NAV3: variants seen among roughly 807,000 people sequenced by gnomAD.
NAV3 encodes pore membrane and/or filament interacting like protein 1.
NAV3 carries 87 observed loss-of-function variants against 244.7 expected under a neutral mutation model. The ratio of observed to expected loss-of-function variants is 0.36; its 90% CI spans 0.30 to 0.42. The LOEUF (loss-of-function observed/expected upper bound fraction) is 0.42. Ranked by LOEUF, NAV3 falls within the 20% of genes least tolerant of loss-of-function variation. The pLI is 1.00. For missense variants in NAV3, 2,663 were observed against 2,893.3 expected (o/e 0.92, Z 1.83); for synonymous variants, 1,126 against 1,042.2 (o/e 1.08, Z -1.55).
At chr12:77,722,670 G>A (rs1476312432) in intron 2 of NAV3, among the ~76,000 whole-genome samples, 4 of 152,046 alleles carry the variant, frequency 2.6e-5, no homozygotes, top group Non-Finnish European at 4.4e-5. Flanking sequence ...GTCTTTTGAA[G>A]AGTGTCCAGG....
intron 1 of NAV3, among the ~76,000 whole-genome samples, chr12:77,861,908 A>G (rs1218880113): frequency 1.3e-5 from 2 of 151,872 alleles, no homozygotes; most frequent in East Asian, 1.9e-4. Flanking sequence ...GTGAATACAT[A>G]TTAGGTAGGA....
At chr12:77,802,652 T>G (rs943924157) in intron 2 of NAV3, among the ~76,000 whole-genome samples, 1 of 152,124 alleles carries the variant, frequency 6.6e-6, no homozygotes, top group Non-Finnish European at 1.5e-5. Flanking sequence ...AACAACACTC[T>G]TCTTTTCCAC....
intron 23 of NAV3, among the ~76,000 whole-genome samples, chr12:78,160,845 T>TCCTC (rs992388781): frequency 6.6e-6 from 1 of 151,584 alleles, no homozygotes; most frequent in Non-Finnish European, 1.5e-5. Flanking sequence ...TTCCTTTCTT[T>TCCTC]CCTCCCTCCC....
chr12:78,100,747 G>T (rs1053679922), intron 12 of NAV3, among the ~76,000 whole-genome samples: 1 of 151,992 alleles, frequency 6.6e-6, no homozygotes, highest in African/African-American at 2.4e-5. Flanking sequence ...TTCAGACTCA[G>T]AACTATGTAT....
chr12:78,196,154 C>T (rs932001636), intron 34 of NAV3, among the ~76,000 whole-genome samples: 1 of 152,034 alleles, frequency 6.6e-6, no homozygotes, highest in Non-Finnish European at 1.5e-5. Context: ...GAATATTCAA[C>T]AGTTTTAAAC....
chr12:77,891,769 C>T (rs2136758336), intron 1 of NAV3, among the ~76,000 whole-genome samples: 1 of 152,288 alleles, frequency 6.6e-6, no homozygotes, highest in East Asian at 1.9e-4. Context: ...TCTTGCTTTC[C>T]AGTGTAATGC....
chr12:77,920,346 G>A (rs1222053283), intron 1 of NAV3, among the ~76,000 whole-genome samples: 1 of 151,802 alleles, frequency 6.6e-6, no homozygotes, highest in Non-Finnish European at 1.5e-5. Context: ...AAATTAACCA[G>A]TTTTATTTTG....
At chr12:77,633,134 G>A (rs1450554408) in intron 2 of NAV3, among the ~76,000 whole-genome samples, 1 of 151,984 alleles carries the variant, frequency 6.6e-6, no homozygotes, top group East Asian at 1.9e-4. Context: ...TACTTTACAA[G>A]TATTATCTAA....
intron 5 of NAV3, among the ~76,000 whole-genome samples, chr12:77,976,927 G>T (rs1391577570): frequency 6.6e-6 from 1 of 151,748 alleles, no homozygotes; most frequent in African/African-American, 2.4e-5. Context: ...TGCCTGCCTC[G>T]GCCTCCCAAA....
chr12:77,734,582 C>T (rs1231372178), intron 2 of NAV3, among the ~76,000 whole-genome samples: 2 of 152,096 alleles, frequency 1.3e-5, no homozygotes, highest in Non-Finnish European at 2.9e-5. Context: ...ATTTTACAGC[C>T]TGAGCAGATG....
intron 12 of NAV3, among the ~76,000 whole-genome samples, chr12:78,073,425 C>T (rs1235065469): frequency 6.6e-6 from 1 of 151,552 alleles, no homozygotes; most frequent in African/African-American, 2.4e-5. Context: ...CATGAGTGAA[C>T]TCCCATTCAC....
intron 2 of NAV3, among the ~76,000 whole-genome samples, chr12:77,765,694 G>C (rs1330324465): frequency 6.6e-6 from 1 of 152,088 alleles, no homozygotes; most frequent in Non-Finnish European, 1.5e-5. Context: ...ACTGAGAATG[G>C]AAAAGTAGAG....
intron 1 of NAV3, among the ~76,000 whole-genome samples, chr12:77,903,094 A>C (rs1885511361): frequency 6.6e-6 from 1 of 152,202 alleles, no homozygotes; most frequent in African/African-American, 2.4e-5. Context: ...ATTCAATGCC[A>C]TCCCCATCAA....
At chr12:78,147,633 C>A (rs538942315) in intron 21 of NAV3, among the ~76,000 whole-genome samples, 11 of 148,792 alleles carry the variant, frequency 7.4e-5, no homozygotes, top group African/African-American at 2.7e-4. Context: ...AAAACAGGAA[C>A]GAAGTAGAAT....
rs1229177387 is a variant in NAV3, at chr12:78,190,138, T to A, written c.6210T>A (p.Ala2070=). The A allele has an allele frequency of 6.2e-7, 1 of 1,613,098 alleles. No individual in the cohort carries two copies. Among genetic ancestry groups the A allele is most frequent in the East Asian group, 2.2e-5 (1 of 44,704 alleles). ...AGACCTATTTGGCAAACAAACTTGC[T>A]GAATATGTAATAACCAAATCTGGAA... ...TGKTYLANKL[A]EYVITKSGRK... is the part of the protein sequence containing the mutation. The change falls in exon 34 of 40, where the codon GCT becomes GCA. Residue 2070 remains alanine (A), a synonymous_variant. Transcript: ENST00000397909.
intron 20 of NAV3, among the ~76,000 whole-genome samples, chr12:78,140,980 C>T (rs1956585947): frequency 6.6e-6 from 1 of 151,976 alleles, no homozygotes; most frequent in African/African-American, 2.4e-5. Flanking sequence ...CAACCTTGAA[C>T]TCCTGGGCTC....
chr12:78,065,982 T>C (rs1016018250), intron 12 of NAV3, among the ~76,000 whole-genome samples: 20 of 152,274 alleles, frequency 1.3e-4, no homozygotes, highest in African/African-American at 4.6e-4. Context: ...CCACAATTCA[T>C]GTGTTAAAAC....
At chr12:77,734,975 C>T (rs1877277007) in intron 2 of NAV3, among the ~76,000 whole-genome samples, 1 of 152,026 alleles carries the variant, frequency 6.6e-6, no homozygotes. Context: ...ATTCATTTCA[C>T]CAAGGACAAG....
At chr12:77,933,808 G>A (rs1448785249) in intron 1 of NAV3, among the ~76,000 whole-genome samples, 2 of 152,202 alleles carry the variant, frequency 1.3e-5, no homozygotes, top group Admixed American at 6.5e-5. Context: ...AACAACTGCA[G>A]ATCCAGTCTG....
Sources: allele counts gnomAD v4.1 joint callset (sites outside exome capture counted in the v4.1 genomes callset), GRCh38; gene constraint gnomAD v4.1.1; transcripts MANE v1.5; gene names NCBI Gene and HGNC (gene_info 2026-07-23, HGNC 2026-07-21).